CPEB3: variants seen among roughly 807,000 people sequenced by gnomAD.
CPEB3 encodes the protein cytoplasmic polyadenylation element binding protein 3, also known as cytoplasmic polyadenylation element-binding protein 3.
Under a neutral mutation model 67.2 loss-of-function variants are expected in CPEB3, and 20 were observed. That is an observed-to-expected ratio of 0.30 (90% CI 0.21 to 0.43). The LOEUF (loss-of-function observed/expected upper bound fraction) is 0.43. Among genes scored for constraint, CPEB3 ranks in the 20% least tolerant of loss-of-function variants. The probability of loss-of-function intolerance (pLI) is 1.00; values close to 1 mark genes in which losing one functional copy is unlikely to be tolerated. For synonymous variants in CPEB3, 376 were observed against 393.1 expected (o/e 0.96, Z 0.51); for missense variants, 746 against 968.6 (o/e 0.77, Z 3.05).
At chr10:92,231,769 G>C (rs1851279455) in intron 2 of CPEB3, among the ~76,000 whole-genome samples, 1 of 152,074 alleles carries the variant, frequency 6.6e-6, no homozygotes, top group Admixed American at 6.6e-5. Flanking sequence ...ACCCAGGCTG[G>C]AGTGCAATGG....
At chr10:92,195,000 C>T (rs1293475541) in intron 2 of CPEB3, among the ~76,000 whole-genome samples, 4 of 151,334 alleles carry the variant, frequency 2.6e-5, no homozygotes, top group South Asian at 4.2e-4. Flanking sequence ...GCCGAGATCG[C>T]GCCACTGCAC....
rs375191586 is a variant in CPEB3 at position 92,052,201 on chromosome 10, C to T, written c.*11G>A. The T allele has an allele frequency of 1.2e-4, 197 of 1,601,306 alleles. No homozygotes were observed. Among genetic ancestry groups the T allele is most frequent in the Middle Eastern group, 3.6e-4 (2 of 5,556 alleles). On this transcript the variant is annotated 3_prime_UTR_variant, in exon 10 of 10. Coordinates refer to ENST00000265997, the MANE Select transcript of CPEB3 (RefSeq NM_014912.5). ...TCTACTCCAGTACTTGTGGCTGGGTCGGCCCGTGGCTCAGCTCCAGCGGAA... is the reference window on the plus strand; with the variant it reads ...TCTACTCCAGTACTTGTGGCTGGGTTGGCCCGTGGCTCAGCTCCAGCGGAA...
At chr10:92,146,816 A>G (rs1846706431) in intron 4 of CPEB3, among the ~76,000 whole-genome samples, 1 of 152,134 alleles carries the variant, frequency 6.6e-6, no homozygotes, top group Non-Finnish European at 1.5e-5. Flanking sequence ...TCATCCCTTG[A>G]TGTTTGTTTT....
intron 6 of CPEB3, among the ~76,000 whole-genome samples, chr10:92,113,113 AT>A (rs1382979027): frequency 2.0e-5 from 3 of 152,210 alleles, no homozygotes; most frequent in African/African-American, 7.2e-5. Flanking sequence ...AAGGCACCAA[AT>A]TGAATGGGCA....
intron 9 of CPEB3, among the ~76,000 whole-genome samples, chr10:92,052,676 G>A (rs1169822419): frequency 2.0e-5 from 3 of 152,168 alleles, no homozygotes; most frequent in East Asian, 3.8e-4. Flanking sequence ...CTCTATCACT[G>A]TATCTGTAAA....
chr10:92,239,912 A>G lies in CPEB3; in HGVS notation c.439T>C (p.Phe147Leu). 2 of 1,612,658 alleles carry G rather than the reference A, an allele frequency of 1.2e-6. No individual in the cohort carries two copies. Among genetic ancestry groups the G allele is most frequent in the Non-Finnish European group, 8.5e-7 (1 of 1,179,460 alleles). ...QNFPHHVNPV[F>L]GGTFSPQIGL... ...ATCTGCGGGGAGAAAGTGCCTCCGA[A>G]GACTGGGTTGACATGGTGCGGGAAG... Residue 147 changes from phenylalanine (F) to leucine (L), a missense_variant, in exon 2 of 10, where the codon TTC becomes CTC. Phe to Leu is a conservative substitution (Grantham distance 22, BLOSUM62 0). Transcript: ENST00000265997. The surrounding 1 kb of genome is among the most constrained non-coding windows in gnomAD (Gnocchi z 6.0).
At chr10:92,215,034 G>A (rs995276970) in intron 2 of CPEB3, among the ~76,000 whole-genome samples, 2 of 151,890 alleles carry the variant, frequency 1.3e-5, no homozygotes, top group Non-Finnish European at 2.9e-5. Flanking sequence ...TTTTAGTGGA[G>A]GCGGGGTTTT....
chr10:92,261,270 C>G (rs1852787202), intron 1 of CPEB3, among the ~76,000 whole-genome samples: 1 of 152,106 alleles, frequency 6.6e-6, no homozygotes, highest in Non-Finnish European at 1.5e-5. Context: ...CAGTGAAAGA[C>G]AGTATAGACA....
At chr10:92,258,379 C>T (rs1341368787) in intron 1 of CPEB3, among the ~76,000 whole-genome samples, 5 of 151,764 alleles carry the variant, frequency 3.3e-5, no homozygotes, top group South Asian at 4.2e-4. Flanking sequence ...AGATTATAGG[C>T]GTGAGCCACC....
chr10:92,138,739 G>A (rs1846240926), intron 6 of CPEB3, among the ~76,000 whole-genome samples: 1 of 152,102 alleles, frequency 6.6e-6, no homozygotes, highest in South Asian at 2.1e-4. Context: ...ACACTTGTAC[G>A]CTGTTGGTGA....
At position 92,230,045 on chromosome 10, in the gene CPEB3, T is replaced by TA. The variant is rs770816715; in HGVS notation, c.1005+9300dup. ...TAGGCAACGAGAGCGAAACTCCGTC[T>TA]AAAAAAAAAAAAAGAAATACTAGAA... On this transcript the variant is annotated intron_variant, in intron 2 of 9. Transcript: ENST00000265997. 5.2e-3 allele frequency among the ~76,000 whole-genome samples: 723 copies of TA among 138,602 alleles called. 6 individuals carry two copies. The highest frequency in any genetic ancestry group is 8.6e-3 in the Non-Finnish European group (545 of 63,736). 90.9% of individuals were successfully genotyped at this position (138,602 alleles called of 152,430 possible). A position where few individuals can be genotyped will look rare whatever the true frequency, so the allele number is the denominator to read the frequency against.
chr10:92,168,048 T>C (rs1564833369), intron 4 of CPEB3, among the ~76,000 whole-genome samples: 1 of 152,232 alleles, frequency 6.6e-6, no homozygotes, highest in South Asian at 2.1e-4. Context: ...AGTGAGCATA[T>C]GCTGTTAGAA....
intron 9 of CPEB3, among the ~76,000 whole-genome samples, chr10:92,078,151 C>T (rs1843006202): frequency 6.6e-6 from 1 of 152,100 alleles, no homozygotes; most frequent in Non-Finnish European, 1.5e-5. Flanking sequence ...CTTCACTGTA[C>T]ACCGAAGCTC....
chr10:92,245,133 C>CTTTT (rs989695063), intron 1 of CPEB3, among the ~76,000 whole-genome samples: 44 of 98,084 alleles, frequency 4.5e-4, no homozygotes, highest in Non-Finnish European at 5.7e-4. Context: ...AGAAAAGAGT[C>CTTTT]TTTTTTTTTT....
intron 6 of CPEB3, among the ~76,000 whole-genome samples, chr10:92,113,481 G>C (rs701847): frequency 0.013 from 2,026 of 152,240 alleles, 47 homozygotes; most frequent in African/African-American, 0.047. Flanking sequence ...CTCTTACCAA[G>C]TTAAATACTG....
chr10:92,164,860 C>T (rs769205350), intron 4 of CPEB3, among the ~76,000 whole-genome samples: 5 of 152,052 alleles, frequency 3.3e-5, no homozygotes, highest in African/African-American at 4.8e-5. Flanking sequence ...AACTTCTCAC[C>T]CCAATTTTCT....
rs143112164 is a variant in CPEB3 at position 92,160,880 on chromosome 10, C to T, written c.1223-15795G>A. Among the ~76,000 whole-genome samples the T allele has an allele frequency of 3.3e-3, 499 of 152,250 alleles. 4 individuals carry two copies. Among genetic ancestry groups the T allele is most frequent in the African/African-American group, 0.011 (469 of 41,564 alleles). On this transcript the variant is annotated intron_variant, in intron 4 of 9. Transcript: ENST00000265997. Reference sequence around the variant, plus strand: ...CAGAGGAAGAGTTACAAAAGACCTACCTGGGAGTTTTGTTGGTTTGTTTTT... The same window carrying T: ...CAGAGGAAGAGTTACAAAAGACCTATCTGGGAGTTTTGTTGGTTTGTTTTT...
At chr10:92,192,755 G>T in intron 2 of CPEB3, 119 bp from the exon 3 acceptor site, 1 of 618,020 alleles carries the variant, frequency 1.6e-6, no homozygotes, top group Non-Finnish European at 2.6e-6. Flanking sequence ...AGCCCCAACA[G>T]CATACAGTCC....
intron 1 of CPEB3, among the ~76,000 whole-genome samples, chr10:92,269,783 CCTGA>C (rs1373615333): frequency 6.6e-6 from 1 of 152,110 alleles, no homozygotes; most frequent in Non-Finnish European, 1.5e-5. Context: ...GTCTTGAACT[CCTGA>C]CCTCAGGTGA....
Sources: gnomAD v4.1 joint callset for allele counts (sites outside exome capture counted in the v4.1 genomes callset) on GRCh38, gnomAD v4.1.1 for gene constraint, Gnocchi (gnomAD v3.1) non-coding constraint, MANE v1.5 for transcripts, NCBI Gene and HGNC (gene_info 2026-07-23, HGNC 2026-07-21) for gene names.